The following S100A8 variants were observed in gnomAD, a reference collection of about 807,000 sequenced individuals.
S100A8 encodes S100 calcium binding protein A8.
Under a neutral mutation model 4.2 loss-of-function variants are expected in S100A8, and 1 was observed. The ratio of observed to expected loss-of-function variants is 0.24; its 90% CI spans 0.08 to 1.12. S100A8 has a LOEUF of 1.12. Ranked by LOEUF, S100A8 falls within the 50% of genes most tolerant of loss-of-function variation. S100A8 has a pLI of 0.53. For synonymous variants in S100A8, 41 were observed against 44.7 expected (o/e 0.92, Z 0.33); for missense variants, 96 against 111.8 (o/e 0.86, Z 0.64).
chr1:153,415,674 A>C, the S100A8 span, among the ~76,000 whole-genome samples: 1 of 128,652 alleles, frequency 7.8e-6, no homozygotes, highest in Non-Finnish European at 1.6e-5. Flanking sequence ...GCAGGAAAGA[A>C]CTTTTCCCAC....
chr1:153,401,630 G>A, the S100A8 span, among the ~76,000 whole-genome samples: 1 of 152,126 alleles, frequency 6.6e-6, no homozygotes, highest in African/African-American at 2.4e-5. Flanking sequence ...GCGCTTTCTG[G>A]TGAAATTGAG....
the S100A8 span, among the ~76,000 whole-genome samples, chr1:153,418,824 C>A: frequency 6.6e-6 from 1 of 152,166 alleles, no homozygotes; most frequent in Non-Finnish European, 1.5e-5. Context: ...CTAAGGTAGG[C>A]AGTGCCCTTA....
the S100A8 span, among the ~76,000 whole-genome samples, chr1:153,398,283 A>G: frequency 1.3e-5 from 2 of 152,210 alleles, no homozygotes; most frequent in East Asian, 1.9e-4. Context: ...AGGGCTGTCT[A>G]AGCCCGGATT....
the S100A8 span, chr1:153,416,607 GC>G: frequency 2.2e-6 from 1 of 444,892 alleles, no homozygotes. Flanking sequence ...AGTGCCCAGT[GC>G]CCAGCCTGCC....
At chr1:153,409,949 A>G in the S100A8 span, among the ~76,000 whole-genome samples, 1 of 152,248 alleles carries the variant, frequency 6.6e-6, no homozygotes, top group Admixed American at 6.5e-5. Flanking sequence ...AAGACACAAC[A>G]TACCAGAATC....
chr1:153,413,129 A>G, the S100A8 span, among the ~76,000 whole-genome samples: 4 of 152,242 alleles, frequency 2.6e-5, no homozygotes, highest in African/African-American at 9.6e-5. Context: ...AACTGAAAGT[A>G]TAATAATAAT....
Position 153,390,073 on chromosome 1 carries a change from G to A in S100A8, c.*30C>T. ...TTATTATTCTGCAGGTACATGTCCA[G>A]GGGCCCAGCCTCTGGGCCCAGTAAC... is the stretch of plus-strand genomic sequence containing the variant. On this transcript the variant is annotated 3_prime_UTR_variant, in exon 3 of 3. Transcript: ENST00000368733. 1 of 1,582,796 alleles carries A rather than the reference G, an allele frequency of 6.3e-7. No individual in the cohort carries two copies. The highest frequency in any genetic ancestry group is 8.6e-7 in the Non-Finnish European group (1 of 1,161,032).
the S100A8 span, among the ~76,000 whole-genome samples, chr1:153,416,810 C>A: frequency 1.2e-4 from 18 of 152,208 alleles, no homozygotes; most frequent in Non-Finnish European, 1.5e-4. Context: ...TGGAAATGTC[C>A]CCAGTGGGAC....
At chr1:153,421,831 T>C in the S100A8 span, 2 of 152,348 alleles carry the variant, frequency 1.3e-5, no homozygotes, top group South Asian at 4.1e-4. Context: ...TAATATTCCG[T>C]CCAATTGGCA....
the S100A8 span, chr1:153,419,773 A>C: frequency 6.4e-6 from 1 of 157,380 alleles, no homozygotes; most frequent in African/African-American, 2.4e-5. Flanking sequence ...GCTTGGGGAA[A>C]CAGAAACCAC....
the S100A8 span, among the ~76,000 whole-genome samples, chr1:153,413,276 T>C: frequency 6.6e-6 from 1 of 152,246 alleles, no homozygotes; most frequent in South Asian, 2.1e-4. Flanking sequence ...TAAATAAATT[T>C]AAGTGTGTCC....
chr1:153,411,405 T>A, the S100A8 span, among the ~76,000 whole-genome samples: 1 of 152,130 alleles, frequency 6.6e-6, no homozygotes, highest in Non-Finnish European at 1.5e-5. Context: ...ATAAAATACC[T>A]AGGAATCCAA....
In S100A8 at chr1:153,390,148, G is replaced by A. The variant is rs61731275; in HGVS notation, c.237C>T (p.Gly79=). The A allele has an allele frequency of 3.2e-3, 5,129 of 1,613,882 alleles. 140 individuals carry two copies. In the African/African-American group the frequency reaches 0.06, roughly 19 times the overall value. Residue 79 remains glycine, a synonymous_variant, in exon 3 of 3, where the codon GGC becomes GGT. Transcript: ENST00000368733. ...CATGGCTTTTTTTGTGGGCTGCCAC[G>A]CCCATCTTTATCACCAGAATGAGGA... ...QEFLILVIKM[G]VAAHKKSHEE...
the S100A8 span, among the ~76,000 whole-genome samples, chr1:153,403,669 C>T: frequency 0.14 from 21,817 of 152,124 alleles, 1,771 homozygotes; most frequent in African/African-American, 0.23. Flanking sequence ...TTTAAAACAT[C>T]TCCCCAGTTC....
chr1:153,403,604 A>T, the S100A8 span, among the ~76,000 whole-genome samples: 1 of 151,698 alleles, frequency 6.6e-6, no homozygotes, highest in Non-Finnish European at 1.5e-5. Context: ...CCTGTGGGCC[A>T]CGGCCCTGCC....
chr1:153,415,511 C>T, the S100A8 span, among the ~76,000 whole-genome samples: 1 of 152,310 alleles, frequency 6.6e-6, no homozygotes, highest in South Asian at 2.1e-4. Context: ...ACTCCTGTGC[C>T]TTCCCAACCC....
upstream of S100A8, among the ~76,000 whole-genome samples, chr1:153,393,502 G>C (rs1662148715): frequency 6.6e-6 from 1 of 152,180 alleles, no homozygotes; most frequent in Admixed American, 6.5e-5. Context: ...ATCCAAGGCA[G>C]AAATTCTCTT....
the S100A8 span, chr1:153,418,329 G>C: frequency 2.7e-6 from 4 of 1,480,150 alleles, no homozygotes; most frequent in African/African-American, 4.2e-5. Flanking sequence ...TGATTAAAAA[G>C]TTTCCCATTT....
the S100A8 span, among the ~76,000 whole-genome samples, chr1:153,414,273 A>T: frequency 4.6e-5 from 7 of 152,272 alleles, no homozygotes; most frequent in Non-Finnish European, 1.0e-4. Context: ...CTTCTTTAAA[A>T]TTTAACATTT....
Sources: gnomAD v4.1 joint callset for allele counts (sites outside exome capture counted in the v4.1 genomes callset) on GRCh38, gnomAD v4.1.1 for gene constraint, MANE v1.5 for transcripts, NCBI Gene and HGNC (gene_info 2026-07-23, HGNC 2026-07-21) for gene names.